Variants in IQGAP2 observed in about 807,000 individuals in gnomAD.
IQGAP2 encodes the protein ras GTPase-activating-like protein IQGAP2.
A neutral mutation model predicts 201.3 loss-of-function variants in IQGAP2; 173 were observed. That is an observed-to-expected ratio of 0.86 (90% CI 0.76 to 0.98). IQGAP2 has a LOEUF of 0.98. IQGAP2 is among the 50% of genes least tolerant of loss of function. The pLI is 0.00. For synonymous variants in IQGAP2, 675 were observed against 673.9 expected (o/e 1.00, Z -0.03); for missense variants, 1,687 against 1,864.8 (o/e 0.90, Z 1.76).
At chr5:76,628,335 T>C (rs563122592) in intron 14 of IQGAP2, among the ~76,000 whole-genome samples, 4 of 152,182 alleles carry the variant, frequency 2.6e-5, no homozygotes, top group Non-Finnish European at 5.9e-5. Flanking sequence ...AGGTGATGAA[T>C]AGAATATTAG....
chr5:76,689,922 A>C (rs569122870), intron 30 of IQGAP2, among the ~76,000 whole-genome samples: 1 of 152,306 alleles, frequency 6.6e-6, no homozygotes, highest in South Asian at 2.1e-4. Flanking sequence ...GGCCAAACCC[A>C]AGGGGCCACA....
At chr5:76,649,464 A>G (rs1289589622) in intron 17 of IQGAP2, among the ~76,000 whole-genome samples, 1 of 152,268 alleles carries the variant, frequency 6.6e-6, no homozygotes, top group Non-Finnish European at 1.5e-5. Flanking sequence ...GAAAGAAGAA[A>G]TTTCGGAACA....
chr5:76,696,061 G>A (rs868050690), intron 32 of IQGAP2, among the ~76,000 whole-genome samples: 5 of 151,910 alleles, frequency 3.3e-5, no homozygotes, highest in African/African-American at 7.2e-5. Context: ...GGCTGGTCTC[G>A]AAATCCTGAC....
chr5:76,562,383 T>C lies in IQGAP2; in HGVS notation c.147-13T>C, dbSNP rs772518543. ...CTGGAATCACTTTAATATTTTTTTT[T>C]TAATCTCTTTAGGTGGATGGAAGTT... On this transcript the variant is annotated splice_polypyrimidine_tract_variant and intron_variant, in intron 2 of 35. Transcript: ENST00000274364. 1 of 1,581,080 alleles carries C rather than the reference T, an allele frequency of 6.3e-7. No individual in the cohort carries two copies. Among genetic ancestry groups the C allele is most frequent in the South Asian group, 1.2e-5 (1 of 85,580 alleles).
chr5:76,589,712 C>G lies in IQGAP2; in HGVS notation c.624C>G (p.Ser208=). Residue 208 remains serine (S), a synonymous_variant, in exon 7 of 36, where the codon TCC becomes TCG. Coordinates refer to ENST00000274364, the MANE Select transcript of IQGAP2 (RefSeq NM_006633.5). The part of the protein sequence containing the change: ...KIGGILANEL[S]VDEAALHAAV... ...GTGGTATTCTGGCCAATGAACTGTCCGTGGATGAAGCTGCATGTAAGTCCA... is the reference window on the plus strand; with the variant it reads ...GTGGTATTCTGGCCAATGAACTGTCGGTGGATGAAGCTGCATGTAAGTCCA... The G allele has an allele frequency of 6.3e-7, 1 of 1,596,592 alleles. No individual in the cohort carries two copies. Among genetic ancestry groups the G allele is most frequent in the Non-Finnish European group, 8.5e-7 (1 of 1,170,560 alleles).
chr5:76,707,115 C>T, intron 35 of IQGAP2, 85 bp from the exon 36 acceptor site: 1 of 742,838 alleles, frequency 1.3e-6, no homozygotes, highest in Non-Finnish European at 2.4e-6. Flanking sequence ...TTGAATCTGA[C>T]TTTTGTCAAC....
intron 1 of IQGAP2, among the ~76,000 whole-genome samples, chr5:76,426,248 G>A (rs1042354916): frequency 2.0e-5 from 3 of 152,194 alleles, no homozygotes; most frequent in Non-Finnish European, 2.9e-5. Context: ...CAGAAGAAAG[G>A]TTACAGTATA....
chr5:76,413,156 CTTTTTTTTTTTTTTT>C (rs567410789), intron 1 of IQGAP2, among the ~76,000 whole-genome samples: 1,649 of 83,752 alleles, frequency 0.02, 52 homozygotes, highest in African/African-American at 0.08. Flanking sequence ...TTTCTTTTCT[CTTTTTTTTTTTTTTT>C]TTTTTTTTTT....
rs148833758 is a variant in IQGAP2 at position 76,662,745 on chromosome 5, G to A, written c.2530-2281G>A. On this transcript the variant is annotated intron_variant, in intron 21 of 35. Coordinates refer to ENST00000274364, the MANE Select transcript of IQGAP2 (RefSeq NM_006633.5). Reference sequence around the variant, plus strand: ...CAGCCGCCTGCCTAGATTCCCCCTTGACCTCTATCTGGTGGTAACTGCACT... The same window carrying A: ...CAGCCGCCTGCCTAGATTCCCCCTTAACCTCTATCTGGTGGTAACTGCACT... Among the ~76,000 whole-genome samples, 18 of 152,306 alleles carry A rather than the reference G, an allele frequency of 1.2e-4. No homozygotes were observed. The East Asian group carries it at 3.5e-3, about 29-fold the overall frequency.
chr5:76,418,818 G>C (rs1751558503), intron 1 of IQGAP2, among the ~76,000 whole-genome samples: 1 of 152,128 alleles, frequency 6.6e-6, no homozygotes, highest in South Asian at 2.1e-4. Context: ...GGAAAAGTAG[G>C]GGGGTGAGTG....
At chr5:76,628,818 G>A (rs1041292239) in intron 14 of IQGAP2, 5 of 415,700 alleles carry the variant, frequency 1.2e-5, no homozygotes, top group African/African-American at 8.4e-5. Context: ...TTTCTAGCAC[G>A]CCTTAAGAAA....
In IQGAP2 at chr5:76,632,448, T is replaced by C. The variant is rs115357369; in HGVS notation, c.1780+422T>C. On this transcript the variant is annotated intron_variant, in intron 15 of 35. Coordinates refer to ENST00000274364, the MANE Select transcript of IQGAP2 (RefSeq NM_006633.5). ...GTACAATGAGCCAGCCTGCAAGGGATCAGTTGGCAAAGCTAGGCAACTAGT... is the reference window on the plus strand; with the variant it reads ...GTACAATGAGCCAGCCTGCAAGGGACCAGTTGGCAAAGCTAGGCAACTAGT... Among the ~76,000 whole-genome samples, 946 of 152,282 alleles carry C rather than the reference T, an allele frequency of 6.2e-3. 16 individuals are homozygous for C. The highest frequency in any genetic ancestry group is 0.022 in the African/African-American group (916 of 41,566).
chr5:76,554,251 A>C (rs12657065), intron 2 of IQGAP2, among the ~76,000 whole-genome samples: 46,504 of 152,036 alleles, frequency 0.31, 7,306 homozygotes, highest in South Asian at 0.51. Context: ...AGAAGAAAAC[A>C]TAGGTATAAA....
intron 1 of IQGAP2, among the ~76,000 whole-genome samples, chr5:76,440,923 C>T (rs1177588250): frequency 1.3e-5 from 2 of 151,510 alleles, no homozygotes; most frequent in East Asian, 3.9e-4. Flanking sequence ...CCCTGCTACT[C>T]GGGAGGTTGA....
At chr5:76,659,053 T>C (rs1743015699) in intron 21 of IQGAP2, among the ~76,000 whole-genome samples, 1 of 152,234 alleles carries the variant, frequency 6.6e-6, no homozygotes, top group Non-Finnish European at 1.5e-5. Flanking sequence ...TGAAACATTA[T>C]GTTGTTTGTG....
At chr5:76,452,010 C>A (rs2150115878) in intron 1 of IQGAP2, among the ~76,000 whole-genome samples, 1 of 152,106 alleles carries the variant, frequency 6.6e-6, no homozygotes, top group South Asian at 2.1e-4. Flanking sequence ...GCATTCCAGC[C>A]TGGGCAACAG....
chr5:76,672,670 G>T (rs1307268843), intron 24 of IQGAP2, among the ~76,000 whole-genome samples: 1 of 152,032 alleles, frequency 6.6e-6, no homozygotes, highest in Non-Finnish European at 1.5e-5. Context: ...CATTTTTCTG[G>T]GAAAAGAATG....
chr5:76,617,777 A>T (rs777918418), intron 13 of IQGAP2: 66 of 1,613,598 alleles, frequency 4.1e-5, no homozygotes, highest in Non-Finnish European at 5.4e-5. Flanking sequence ...AGCAAATGGT[A>T]AAAATCACAA....
intron 16 of IQGAP2, among the ~76,000 whole-genome samples, chr5:76,639,110 T>C (rs1394673655): frequency 6.6e-6 from 1 of 152,248 alleles, no homozygotes; most frequent in East Asian, 1.9e-4. Context: ...GGAGTTTCAC[T>C]TTCCAATGTA....
Sources: allele counts gnomAD v4.1 joint callset (sites outside exome capture counted in the v4.1 genomes callset), GRCh38; gene constraint gnomAD v4.1.1; transcripts MANE v1.5; gene names NCBI Gene and HGNC (gene_info 2026-07-23, HGNC 2026-07-21).